Variants in CDH12 observed in about 807,000 individuals in gnomAD.
CDH12 encodes cadherin-12.
A neutral mutation model predicts 74.1 loss-of-function variants in CDH12; 41 were observed. That is an observed-to-expected ratio of 0.55 (90% CI 0.43 to 0.72). The LOEUF (loss-of-function observed/expected upper bound fraction) is 0.72, where lower values mean the gene tolerates loss of function less well. CDH12 is among the 30% of genes least tolerant of loss of function. CDH12 has a pLI of 0.00. For missense variants in CDH12, 945 were observed against 977.2 expected, an observed-to-expected ratio of 0.97 and a Z score of 0.44; for synonymous variants, 399 against 355.0, an observed-to-expected ratio of 1.12 and a Z score of -1.39.
At chr5:21,922,860 G>T (rs920027861) in intron 6 of CDH12, among the ~76,000 whole-genome samples, 1 of 151,680 alleles carries the variant, frequency 6.6e-6, no homozygotes, top group Non-Finnish European at 1.5e-5. Flanking sequence ...CCAATATCTT[G>T]TCTACATCAT....
At chr5:22,610,499 G>T (rs1252387549) in intron 1 of CDH12, among the ~76,000 whole-genome samples, 2 of 152,006 alleles carry the variant, frequency 1.3e-5, no homozygotes, top group African/African-American at 4.8e-5. Flanking sequence ...CCATACTTCA[G>T]TTATGTCAAT....
At chr5:22,283,888 A>C (rs1005021838) in intron 3 of CDH12, among the ~76,000 whole-genome samples, 2 of 152,118 alleles carry the variant, frequency 1.3e-5, no homozygotes, top group African/African-American at 4.8e-5. Context: ...CAATACCTTC[A>C]ATTTTAATAG....
intron 1 of CDH12, among the ~76,000 whole-genome samples, chr5:22,563,856 T>A (rs1351117183): frequency 1.3e-5 from 2 of 152,058 alleles, no homozygotes; most frequent in African/African-American, 2.4e-5. Context: ...GAAACTCCCA[T>A]TTTTAAAATC....
intron 4 of CDH12, among the ~76,000 whole-genome samples, chr5:22,088,221 A>C (rs944755321): frequency 2.0e-5 from 3 of 152,148 alleles, no homozygotes; most frequent in Admixed American, 6.6e-5. Flanking sequence ...AATGGTCTTA[A>C]GTGTATTCAG....
chr5:22,611,137 T>G (rs189288396), intron 1 of CDH12, among the ~76,000 whole-genome samples: 4 of 152,314 alleles, frequency 2.6e-5, no homozygotes, highest in Non-Finnish European at 5.9e-5. Context: ...TCCTAGATAT[T>G]TCTTGTATAT....
chr5:22,822,298 A>T (rs1389028966), intron 1 of CDH12, among the ~76,000 whole-genome samples: 1 of 152,170 alleles, frequency 6.6e-6, no homozygotes, highest in East Asian at 1.9e-4. Context: ...AACCTAGGCA[A>T]TACCATTCAG....
At chr5:21,883,120 A>T in intron 6 of CDH12, 2 of 1,579,992 alleles carry the variant, frequency 1.3e-6, no homozygotes, top group Non-Finnish European at 8.7e-7. Flanking sequence ...ATTTCTGCAA[A>T]TGGAGACAAA....
chr5:22,811,160 T>C (rs956172012), intron 1 of CDH12, among the ~76,000 whole-genome samples: 1 of 151,700 alleles, frequency 6.6e-6, no homozygotes, highest in Admixed American at 6.6e-5. Flanking sequence ...CATATATATA[T>C]ACACACACAC....
intron 5 of CDH12, among the ~76,000 whole-genome samples, chr5:22,041,214 A>C (rs573229063): frequency 1.6e-4 from 24 of 152,204 alleles, no homozygotes; most frequent in African/African-American, 5.5e-4. Flanking sequence ...AAAAAGAATT[A>C]AAACTTACAC....
intron 4 of CDH12, among the ~76,000 whole-genome samples, chr5:22,101,295 C>T (rs1489221793): frequency 1.3e-5 from 2 of 151,280 alleles, no homozygotes; most frequent in African/African-American, 4.9e-5. Flanking sequence ...CATTTTATTC[C>T]CATATTTAAA....
intron 4 of CDH12, among the ~76,000 whole-genome samples, chr5:22,194,328 G>GT (rs754082945): frequency 0.023 from 2,576 of 111,454 alleles, 28 homozygotes; most frequent in African/African-American, 0.03. Flanking sequence ...TTTTTGTTTT[G>GT]TTTTTTTTGT....
chr5:22,349,274 C>G (rs1347417684), intron 3 of CDH12, among the ~76,000 whole-genome samples: 1 of 152,172 alleles, frequency 6.6e-6, no homozygotes, highest in Non-Finnish European at 1.5e-5. Context: ...CCTTGACAGT[C>G]AGTTTCCCTC....
At chr5:22,090,463 AATT>A (rs1418550528) in intron 4 of CDH12, among the ~76,000 whole-genome samples, 1 of 151,070 alleles carries the variant, frequency 6.6e-6, no homozygotes, top group African/African-American at 2.4e-5. Flanking sequence ...TTTCAATAAT[AATT>A]AATATAAAAC....
chr5:22,138,730 T>C (rs1299251259), intron 4 of CDH12, among the ~76,000 whole-genome samples: 2 of 148,934 alleles, frequency 1.3e-5, no homozygotes, highest in African/African-American at 4.9e-5. Context: ...TAGTCTTTTG[T>C]TTTGCTGTCA....
At chr5:21,868,323 C>T (rs138480816) in intron 6 of CDH12, among the ~76,000 whole-genome samples, 317 of 152,266 alleles carry the variant, frequency 2.1e-3, no homozygotes, top group Middle Eastern at 6.8e-3. Context: ...ACCGATACAC[C>T]ATGTCAGAGA....
chr5:22,484,625 T>A (rs967762488), intron 2 of CDH12, among the ~76,000 whole-genome samples: 15 of 152,326 alleles, frequency 9.8e-5, no homozygotes, highest in Middle Eastern at 3.4e-3. Flanking sequence ...AACCTGTTTT[T>A]TAACAATATA....
At chr5:22,344,077 T>C (rs183614055) in intron 3 of CDH12, among the ~76,000 whole-genome samples, 13 of 152,322 alleles carry the variant, frequency 8.5e-5, no homozygotes, top group East Asian at 7.7e-4. Context: ...GGTTTTCTGC[T>C]TACAGGAAAT....
intron 1 of CDH12, among the ~76,000 whole-genome samples, chr5:22,796,985 G>T (rs1401645325): frequency 6.6e-6 from 1 of 151,964 alleles, no homozygotes; most frequent in Non-Finnish European, 1.5e-5. Context: ...TTAATAATGG[G>T]TGGTCTTATC....
intron 3 of CDH12, among the ~76,000 whole-genome samples, chr5:22,338,787 G>T (rs1384704069): frequency 2.0e-5 from 3 of 152,112 alleles, no homozygotes; most frequent in African/African-American, 4.8e-5. Flanking sequence ...TGTCATATAA[G>T]ATTCTGATCT....
Sources: gnomAD v4.1 joint callset for allele counts (sites outside exome capture counted in the v4.1 genomes callset) on GRCh38, gnomAD v4.1.1 for gene constraint, MANE v1.5 for transcripts, NCBI Gene and HGNC (gene_info 2026-07-23, HGNC 2026-07-21) for gene names.